IL1RAPL1: variants seen among roughly 807,000 people sequenced by gnomAD.
IL1RAPL1 encodes interleukin 1 receptor accessory protein like 1.
Under a neutral mutation model 48.4 loss-of-function variants are expected in IL1RAPL1, and 3 were observed. The observed-to-expected ratio is 0.06, with a 90% confidence interval of 0.03 to 0.16. IL1RAPL1 has a LOEUF of 0.16. IL1RAPL1 is among the 10% of genes least tolerant of loss of function. IL1RAPL1 has a pLI of 1.00. For synonymous variants in IL1RAPL1, 185 were observed against 187.7 expected (o/e 0.99, Z 0.12); for missense variants, 349 against 530.6 (o/e 0.66, Z 3.36).
intron 3 of IL1RAPL1, among the ~76,000 whole-genome samples, chrX:29,389,672 A>T (rs1933830464): frequency 8.9e-6 from 1 of 112,464 alleles, no homozygotes. Context: ...TAGGAAAATT[A>T]TATTGATCAC....
intron 2 of IL1RAPL1, among the ~76,000 whole-genome samples, chrX:29,216,968 A>G (rs1355271679): frequency 8.9e-6 from 1 of 111,800 alleles, no homozygotes; most frequent in Non-Finnish European, 1.9e-5. Context: ...ACCATGTAGT[A>G]AACAACTAAC....
At chrX:29,941,903 T>C (rs1933136001) in intron 9 of IL1RAPL1, 109 bp downstream of exon 9, 1 of 690,135 alleles carries the variant, frequency 1.4e-6, no homozygotes, top group African/African-American at 2.1e-5. Context: ...CAGCAGCTCG[T>C]ATATTCTTTC....
At chrX:29,828,631 T>C (rs957280476) in intron 6 of IL1RAPL1, among the ~76,000 whole-genome samples, 1 of 111,801 alleles carries the variant, frequency 8.9e-6, no homozygotes, top group African/African-American at 3.3e-5. Flanking sequence ...ATGTTGAACA[T>C]GTTAGTTTTG....
At chrX:29,789,776 G>GT (rs1236736221) in intron 6 of IL1RAPL1, among the ~76,000 whole-genome samples, 2 of 83,106 alleles carry the variant, frequency 2.4e-5, no homozygotes, top group Non-Finnish European at 4.5e-5. Flanking sequence ...TTCTTCATGA[G>GT]TTTCTTTTTT....
chrX:28,652,296 T>A (rs1934691749), intron 1 of IL1RAPL1, among the ~76,000 whole-genome samples: 1 of 110,952 alleles, frequency 9.0e-6, no homozygotes, highest in African/African-American at 3.3e-5. Context: ...TTTCTTTTTT[T>A]TCCTAACTCC....
At chrX:28,591,631 G>T (rs1933908208) in intron 1 of IL1RAPL1, among the ~76,000 whole-genome samples, 1 of 111,353 alleles carries the variant, frequency 9.0e-6, no homozygotes, top group Non-Finnish European at 1.9e-5. Context: ...TATAGGTAAG[G>T]TCGCGTCAGC....
At chrX:28,786,296 C>T (rs763651884) in intron 1 of IL1RAPL1, among the ~76,000 whole-genome samples, 104 of 111,232 alleles carry the variant, frequency 9.3e-4, no homozygotes, top group African/African-American at 3.3e-3. Flanking sequence ...GAAACCCCAT[C>T]TCTACTAAAA....
chrX:29,081,020 C>CTCTTTCT (rs1555960745), intron 2 of IL1RAPL1, among the ~76,000 whole-genome samples: 424 of 41,831 alleles, frequency 0.01, 14 homozygotes, highest in Middle Eastern at 0.014. Flanking sequence ...CTCTCTCTCT[C>CTCTTTCT]TTTCTTTTCT....
chrX:28,672,347 A>T (rs1234029667), intron 1 of IL1RAPL1, among the ~76,000 whole-genome samples: 2 of 112,096 alleles, frequency 1.8e-5, no homozygotes, highest in African/African-American at 6.5e-5. Context: ...AAATGAGTGA[A>T]TGAAAAGATA....
rs776571211 is a variant in IL1RAPL1, at chrX:29,507,405, C to CCCCTT, written c.703+108115_703+108119dup. On this transcript the variant is annotated intron_variant, in intron 5 of 10. Coordinates refer to ENST00000378993, the MANE Select transcript of IL1RAPL1 (RefSeq NM_014271.4). Reference sequence around the variant, plus strand: ...CCCTTCCCTTCCCTTTCCCTCCCCTCCCCTTCCCTTCCCTTCCCTTCCTTC... The same window carrying CCCCTT: ...CCCTTCCCTTCCCTTTCCCTCCCCTCCCCTTCCCTTCCCTTCCCTTCCCTTCCTTC... Among the ~76,000 whole-genome samples the CCCCTT allele has an allele frequency of 1.4e-3, 73 of 52,038 alleles. 3 individuals are homozygous for CCCCTT. Among genetic ancestry groups the CCCCTT allele is most frequent in the African/African-American group, 3.6e-3 (44 of 12,084 alleles). 45.2% of individuals were successfully genotyped at this position (52,038 alleles called of 115,157 possible). A position where few individuals can be genotyped will look rare whatever the true frequency, so the allele number is the denominator to read the frequency against.
Position 29,956,332 on chromosome X carries a change from A to G in IL1RAPL1, c.*512A>G, listed in dbSNP as rs1435288026. ...TGCCAGCATTGCCATTCGGGGGAAA[A>G]AAAAAAAAAAAAAAAAAAGATGAGA... On this transcript the variant is annotated 3_prime_UTR_variant, in exon 11 of 11. Transcript: ENST00000378993. The G allele has an allele frequency of 9.5e-6, 1 of 105,326 alleles. No individual in the cohort carries two copies. The highest frequency in any genetic ancestry group is 1.9e-5 in the Non-Finnish European group (1 of 52,230). 8.7% of individuals were successfully genotyped at this position (105,326 alleles called of 1,213,427 possible). A position where few individuals can be genotyped will look rare whatever the true frequency, so the allele number is the denominator to read the frequency against.
chrX:29,318,712 A>T (rs1932779314), intron 3 of IL1RAPL1, among the ~76,000 whole-genome samples: 1 of 112,541 alleles, frequency 8.9e-6, no homozygotes. Context: ...TGGAAATGTC[A>T]TTTCAATCAG....
intron 1 of IL1RAPL1, among the ~76,000 whole-genome samples, chrX:28,703,464 G>A (rs765533287): frequency 1.8e-5 from 2 of 111,216 alleles, no homozygotes; most frequent in Admixed American, 1.9e-4. Context: ...TCTTGAAAAA[G>A]CATAGGTTCC....
intron 2 of IL1RAPL1, among the ~76,000 whole-genome samples, chrX:29,277,099 A>T (rs1932131609): frequency 8.9e-6 from 1 of 112,422 alleles, no homozygotes; most frequent in African/African-American, 3.2e-5. Context: ...TCAAAGTCAA[A>T]GATGGACCAT....
chrX:29,724,347 TAA>T (rs1303216121), intron 6 of IL1RAPL1, among the ~76,000 whole-genome samples: 1 of 111,798 alleles, frequency 8.9e-6, no homozygotes, highest in African/African-American at 3.3e-5. Context: ...AAATGAATTG[TAA>T]GCTATTCTTC....
At chrX:29,649,050 C>G (rs1051053321) in intron 5 of IL1RAPL1, among the ~76,000 whole-genome samples, 2 of 111,086 alleles carry the variant, frequency 1.8e-5, no homozygotes, top group African/African-American at 6.5e-5. Flanking sequence ...TACAACCTAC[C>G]AACATTGAAT....
chrX:28,740,171 T>A (rs1935890545), intron 1 of IL1RAPL1, among the ~76,000 whole-genome samples: 1 of 111,851 alleles, frequency 8.9e-6, no homozygotes, highest in East Asian at 2.8e-4. Context: ...AAACCCAGGA[T>A]AATAGTTTTG....
chrX:28,909,680 T>C (rs910542439), intron 2 of IL1RAPL1, among the ~76,000 whole-genome samples: 1 of 111,749 alleles, frequency 8.9e-6, no homozygotes, highest in Non-Finnish European at 1.9e-5. Flanking sequence ...TTAAATTTTA[T>C]AAAATACAAT....
chrX:29,362,233 A>G (rs1933386518), intron 3 of IL1RAPL1, among the ~76,000 whole-genome samples: 2 of 112,542 alleles, frequency 1.8e-5, no homozygotes, highest in African/African-American at 6.4e-5. Context: ...TTCTTAATGT[A>G]CTAGATTGTA....
Sources: allele counts gnomAD v4.1 joint callset (sites outside exome capture counted in the v4.1 genomes callset), GRCh38; gene constraint gnomAD v4.1.1; transcripts MANE v1.5; gene names NCBI Gene and HGNC (gene_info 2026-07-23, HGNC 2026-07-21).